The following EXOC4 variants were observed in gnomAD, a reference collection of about 807,000 sequenced individuals.
The protein encoded by EXOC4 is exocyst complex component 4, also known as SEC8-like 1.
Under a neutral mutation model 107.2 loss-of-function variants are expected in EXOC4, and 71 were observed. The observed-to-expected ratio is 0.66, with a 90% CI of 0.55 to 0.81. EXOC4 has a LOEUF of 0.81. Among genes scored for constraint, EXOC4 ranks in the 30% least tolerant of loss-of-function variants. EXOC4 has a pLI of 0.00. For missense variants in EXOC4, 1,108 were observed against 1,189.6 expected (o/e 0.93, Z 1.01); for synonymous variants, 456 against 441.2 (o/e 1.03, Z -0.42).
At chr7:133,826,336 A>G (rs956622131) in intron 11 of EXOC4, among the ~76,000 whole-genome samples, 5 of 152,286 alleles carry the variant, frequency 3.3e-5, no homozygotes, top group African/African-American at 1.2e-4. Context: ...GTGATTCTTC[A>G]TAGCCATCTT....
the EXOC4 span, among the ~76,000 whole-genome samples, chr7:134,091,751 A>G: frequency 6.6e-6 from 1 of 152,160 alleles, no homozygotes; most frequent in Non-Finnish European, 1.5e-5. Context: ...CAGATCTTCT[A>G]GTAGCACTGT....
At chr7:133,299,836 G>A (rs953054299) in intron 3 of EXOC4, among the ~76,000 whole-genome samples, 1 of 151,820 alleles carries the variant, frequency 6.6e-6, no homozygotes, top group East Asian at 1.9e-4. Flanking sequence ...ACCTAATATC[G>A]CCTCATTTAC....
At chr7:133,937,837 G>A (rs1270999187) in intron 13 of EXOC4, 54 bp from the exon 14 acceptor site, 2 of 1,579,848 alleles carry the variant, frequency 1.3e-6, no homozygotes, top group Non-Finnish European at 1.7e-6. Flanking sequence ...GTGTTGCCCG[G>A]TCCTACCTTT....
At chr7:133,309,856 CT>C (rs1794832639) in intron 4 of EXOC4, among the ~76,000 whole-genome samples, 1 of 152,094 alleles carries the variant, frequency 6.6e-6, no homozygotes, top group African/African-American at 2.4e-5. Context: ...AGGAGACTCA[CT>C]TGAACCCAGG....
At chr7:133,492,811 A>G (rs191187585) in intron 9 of EXOC4, among the ~76,000 whole-genome samples, 1 of 152,258 alleles carries the variant, frequency 6.6e-6, no homozygotes, top group East Asian at 1.9e-4. Flanking sequence ...GACTTTGTGC[A>G]AGTCACTTAA....
intron 3 of EXOC4, among the ~76,000 whole-genome samples, chr7:133,302,067 TTA>T (rs1294353219): frequency 6.6e-6 from 1 of 152,042 alleles, no homozygotes; most frequent in Non-Finnish European, 1.5e-5. Context: ...TGTTGTAGAC[TTA>T]TATCTCAACT....
At chr7:133,518,506 G>T (rs1257291247) in intron 9 of EXOC4, among the ~76,000 whole-genome samples, 2 of 151,676 alleles carry the variant, frequency 1.3e-5, no homozygotes, top group Non-Finnish European at 2.9e-5. Flanking sequence ...TAACTTAAAA[G>T]AATTGAAAAC....
chr7:133,865,569 AC>A (rs1798619909), intron 11 of EXOC4, among the ~76,000 whole-genome samples: 3 of 152,192 alleles, frequency 2.0e-5, no homozygotes, highest in South Asian at 2.1e-4. Context: ...ATAAAGGACT[AC>A]CTAAGTCTAG....
At chr7:133,752,349 C>G (rs1264232890) in intron 10 of EXOC4, among the ~76,000 whole-genome samples, 3 of 152,164 alleles carry the variant, frequency 2.0e-5, no homozygotes, top group South Asian at 2.1e-4. Context: ...TTTGGACTTG[C>G]AACTGCCTTT....
intron 9 of EXOC4, among the ~76,000 whole-genome samples, chr7:133,485,094 T>A (rs67299936): frequency 0.66 from 84,598 of 127,926 alleles, 28,620 homozygotes; most frequent in East Asian, 0.78. Context: ...AATAAATAAA[T>A]AAATAAATAA....
At chr7:133,675,228 C>A (rs1794029113) in intron 10 of EXOC4, among the ~76,000 whole-genome samples, 1 of 152,046 alleles carries the variant, frequency 6.6e-6, no homozygotes, top group South Asian at 2.1e-4. Context: ...TTGGAGTTTT[C>A]AAGGCGACCC....
chr7:134,062,054 A>G (rs772656604), intron 17 of EXOC4, among the ~76,000 whole-genome samples: 2 of 152,168 alleles, frequency 1.3e-5, no homozygotes, highest in Non-Finnish European at 2.9e-5. Flanking sequence ...ACCCTGGACC[A>G]GTGATTGCTA....
intron 9 of EXOC4, among the ~76,000 whole-genome samples, chr7:133,509,900 C>T (rs1301177276): frequency 6.6e-6 from 1 of 152,120 alleles, no homozygotes; most frequent in African/African-American, 2.4e-5. Context: ...CATCTTACAT[C>T]TTTTCTTTCT....
chr7:133,897,083 TA>T (rs145406128), intron 12 of EXOC4, among the ~76,000 whole-genome samples: 3,242 of 150,472 alleles, frequency 0.022, 107 homozygotes, highest in African/African-American at 0.071. Context: ...AAAGGGGTCA[TA>T]AAAAAATAAC....
chr7:133,271,901 G>A (rs1793879746), intron 1 of EXOC4, among the ~76,000 whole-genome samples: 1 of 152,010 alleles, frequency 6.6e-6, no homozygotes, highest in South Asian at 2.1e-4. Flanking sequence ...GGAATAAGGT[G>A]ACAATCAGAG....
intron 13 of EXOC4, among the ~76,000 whole-genome samples, chr7:133,932,440 T>C (rs973070452): frequency 6.6e-5 from 10 of 152,194 alleles, no homozygotes; most frequent in Non-Finnish European, 1.2e-4. Flanking sequence ...TTTGTTGTTA[T>C]TTTAGAAATT....
At chr7:133,344,801 A>T (rs927944543) in intron 5 of EXOC4, among the ~76,000 whole-genome samples, 1 of 152,206 alleles carries the variant, frequency 6.6e-6, no homozygotes, top group Admixed American at 6.5e-5. Context: ...CCTTAAGTTC[A>T]TCACTAATTC....
chr7:133,506,070 C>G (rs1799659910), intron 9 of EXOC4, among the ~76,000 whole-genome samples: 1 of 152,094 alleles, frequency 6.6e-6, no homozygotes, highest in African/African-American at 2.4e-5. Flanking sequence ...TGGAAAAATA[C>G]TTTGAAAAAT....
chr7:133,985,825 A>G (rs527507967), intron 14 of EXOC4, among the ~76,000 whole-genome samples: 10 of 152,318 alleles, frequency 6.6e-5, no homozygotes, highest in Non-Finnish European at 1.5e-4. Flanking sequence ...AACAGCACAT[A>G]TAATTAAGAC....
Sources: allele counts gnomAD v4.1 joint callset (sites outside exome capture counted in the v4.1 genomes callset), GRCh38; gene constraint gnomAD v4.1.1; transcripts MANE v1.5; gene names NCBI Gene and HGNC (gene_info 2026-07-23, HGNC 2026-07-21).